The following PRR5L variants were observed in gnomAD, a reference collection of about 807,000 sequenced individuals.
PRR5L encodes the protein proline-rich protein 5-like.
PRR5L carries 21 observed loss-of-function variants against 36.4 expected under a neutral mutation model. The ratio of observed to expected loss-of-function variants is 0.58; its 90% confidence interval spans 0.41 to 0.83. The LOEUF is 0.83. Ranked by LOEUF, PRR5L falls within the 40% of genes least tolerant of loss-of-function variation. PRR5L has a pLI of 0.00. For missense variants in PRR5L, 381 were observed against 473.3 expected (o/e 0.80, Z 1.81); for synonymous variants, 188 against 197.0 (o/e 0.95, Z 0.38).
chr11:36,421,294 G>A (rs1226506251), intron 4 of PRR5L, among the ~76,000 whole-genome samples: 1 of 152,144 alleles, frequency 6.6e-6, no homozygotes, highest in Non-Finnish European at 1.5e-5. Context: ...TTTGGGTGGG[G>A]ACTTGTTTAT....
chr11:36,403,021 G>A (rs1857830628), intron 2 of PRR5L, among the ~76,000 whole-genome samples: 1 of 152,216 alleles, frequency 6.6e-6, no homozygotes, highest in South Asian at 2.1e-4. Context: ...GATCCCACTG[G>A]CTGCCTTTGA....
chr11:36,341,931 G>T (rs930837239), intron 1 of PRR5L, among the ~76,000 whole-genome samples: 1 of 152,238 alleles, frequency 6.6e-6, no homozygotes, highest in South Asian at 2.1e-4. Context: ...ACAACTGGAA[G>T]CGGAAAGAAA....
intron 4 of PRR5L, among the ~76,000 whole-genome samples, chr11:36,427,893 C>T (rs1344267102): frequency 6.6e-6 from 1 of 152,248 alleles, no homozygotes; most frequent in Admixed American, 6.5e-5. Flanking sequence ...TTCCCACTGG[C>T]CTGCCACTGC....
intron 1 of PRR5L, chr11:36,362,131 G>A (rs1196188545): frequency 1.3e-5 from 2 of 150,970 alleles, no homozygotes; most frequent in East Asian, 2.0e-4. Flanking sequence ...GCCTTCCATT[G>A]GCGAACCGGT....
At chr11:36,386,716 T>C (rs1197528380) in intron 1 of PRR5L, among the ~76,000 whole-genome samples, 1 of 152,248 alleles carries the variant, frequency 6.6e-6, no homozygotes, top group Non-Finnish European at 1.5e-5. Context: ...CTTCCTAGTC[T>C]TCTGCCTTTG....
At chr11:36,385,299 A>G (rs1857437890) in intron 1 of PRR5L, among the ~76,000 whole-genome samples, 1 of 152,230 alleles carries the variant, frequency 6.6e-6, no homozygotes, top group African/African-American at 2.4e-5. Flanking sequence ...TATGCACTCC[A>G]AGAAACTTGA....
chr11:36,403,358 T>C lies in PRR5L; in HGVS notation c.225T>C (p.Tyr75=). ...GTGGCTTGCAAAGCAACGAGCTCTA[T>C]GCCCTGAACGAAAACATCAGGTATG... The part of the protein sequence containing the change: ...KGGGLQSNEL[Y]ALNENIRRLL... The change falls in exon 3 of 9, where the codon TAT becomes TAC. Residue 75 remains tyrosine (Y), a synonymous_variant. Coordinates refer to ENST00000530639, the MANE Select transcript of PRR5L (RefSeq NM_001160167.2). The C allele has an allele frequency of 2.5e-6, 4 of 1,614,052 alleles. No individual in the cohort carries two copies. The highest frequency in any genetic ancestry group is 3.4e-6 in the Non-Finnish European group (4 of 1,179,998).
At chr11:36,315,862 CCTGAAACAAGCCCTT>C (rs1375067697) in intron 1 of PRR5L, among the ~76,000 whole-genome samples, 1 of 152,046 alleles carries the variant, frequency 6.6e-6, no homozygotes, top group Non-Finnish European at 1.5e-5. Context: ...AGGTGCCTTC[CCTGAAACAAGCCCTT>C]CTAGGATTAG....
intron 8 of PRR5L, among the ~76,000 whole-genome samples, chr11:36,459,588 A>G (rs1859136413): frequency 6.6e-6 from 1 of 152,164 alleles, no homozygotes; most frequent in South Asian, 2.1e-4. Flanking sequence ...TGAACAAGTT[A>G]TTTAACCTCT....
chr11:36,304,445 C>A (rs948445095), intron 1 of PRR5L, among the ~76,000 whole-genome samples: 3 of 152,178 alleles, frequency 2.0e-5, no homozygotes, highest in Non-Finnish European at 4.4e-5. Flanking sequence ...GCCTTCCAAT[C>A]CATATATGTA....
intron 1 of PRR5L, among the ~76,000 whole-genome samples, chr11:36,390,412 T>C (rs916033244): frequency 6.6e-6 from 1 of 152,246 alleles, no homozygotes; most frequent in Non-Finnish European, 1.5e-5. Flanking sequence ...TGTGAATTTA[T>C]TCTAAGACTT....
intron 1 of PRR5L, among the ~76,000 whole-genome samples, chr11:36,342,664 G>T (rs1590459743): frequency 6.6e-6 from 1 of 152,110 alleles, no homozygotes; most frequent in Non-Finnish European, 1.5e-5. Flanking sequence ...GAGGTTCAGC[G>T]AGACTTGGAA....
At chr11:36,356,537 CT>C (rs1408832891) in intron 1 of PRR5L, among the ~76,000 whole-genome samples, 1 of 152,206 alleles carries the variant, frequency 6.6e-6, no homozygotes, top group Non-Finnish European at 1.5e-5. Flanking sequence ...TGGCAACCCT[CT>C]GGCCAAGTCA....
intron 1 of PRR5L, among the ~76,000 whole-genome samples, chr11:36,337,200 A>G (rs1366224944): frequency 1.3e-5 from 2 of 152,100 alleles, no homozygotes; most frequent in African/African-American, 2.4e-5. Flanking sequence ...ATAACCCCCA[A>G]TGCAATAGTA....
intron 7 of PRR5L, 37 bp downstream of exon 7, chr11:36,446,477 G>C: frequency 6.2e-7 from 1 of 1,607,570 alleles, no homozygotes; most frequent in Non-Finnish European, 8.5e-7. Flanking sequence ...AAGGCAGAGG[G>C]AGGGAGCGAG....
chr11:36,355,394 C>A (rs1002622797), intron 1 of PRR5L, among the ~76,000 whole-genome samples: 1 of 152,148 alleles, frequency 6.6e-6, no homozygotes, highest in African/African-American at 2.4e-5. Flanking sequence ...ATTGCACTTT[C>A]ACCAAGACTC....
intron 1 of PRR5L, among the ~76,000 whole-genome samples, chr11:36,305,250 T>C (rs1276051023): frequency 1.3e-5 from 2 of 152,224 alleles, no homozygotes; most frequent in East Asian, 3.8e-4. Context: ...TGAAACACTA[T>C]GCTAAGTGCA....
intron 1 of PRR5L, among the ~76,000 whole-genome samples, chr11:36,332,767 G>T (rs1856732021): frequency 6.6e-6 from 1 of 152,058 alleles, no homozygotes; most frequent in Admixed American, 6.6e-5. Flanking sequence ...TCCTGCTGTT[G>T]CTCCCTCTCT....
chr11:36,396,856 G>A (rs1056884664), intron 1 of PRR5L, among the ~76,000 whole-genome samples: 1 of 152,116 alleles, frequency 6.6e-6, no homozygotes, highest in African/African-American at 2.4e-5. Flanking sequence ...CCTTATGCCA[G>A]CTTATTTATC....
Sources: allele counts gnomAD v4.1 joint callset (sites outside exome capture counted in the v4.1 genomes callset), GRCh38; gene constraint gnomAD v4.1.1; transcripts MANE v1.5; gene names NCBI Gene and HGNC (gene_info 2026-07-23, HGNC 2026-07-21).